MACF1: variants seen among roughly 807,000 people sequenced by gnomAD.
MACF1 encodes the protein microtubule actin crosslinking factor 1.
In MACF1, 193 loss-of-function variants were observed where a neutral mutation model predicts 854.8. That is an observed-to-expected ratio of 0.23 (90% CI 0.20 to 0.25). The LOEUF (loss-of-function observed/expected upper bound fraction) is 0.25. Among genes scored for constraint, MACF1 ranks in the 10% least tolerant of loss-of-function variants. The pLI is 1.00. For synonymous variants in MACF1, 3,185 were observed against 3,226.7 expected (o/e 0.99, Z 0.44); for missense variants, 7,722 against 8,929.1 (o/e 0.86, Z 5.45).
intron 6 of MACF1, among the ~76,000 whole-genome samples, chr1:39,275,925 C>CTTCT (rs537551056): frequency 0.057 from 8,388 of 146,476 alleles, 306 homozygotes; most frequent in East Asian, 0.16. Context: ...TCTTCTTCTT[C>CTTCT]TTTTTTTTTT....
At chr1:39,454,489 G>C (rs1328560138) in intron 88 of MACF1, among the ~76,000 whole-genome samples, 1 of 152,084 alleles carries the variant, frequency 6.6e-6, no homozygotes, top group African/African-American at 2.4e-5. Flanking sequence ...GACTGTTTGG[G>C]TGGTCTCTCC....
intron 2 of MACF1, among the ~76,000 whole-genome samples, chr1:39,116,337 G>A (rs1642543103): frequency 6.6e-6 from 1 of 152,038 alleles, no homozygotes; most frequent in Non-Finnish European, 1.5e-5. Context: ...AGTAGGAGGT[G>A]AAGTTATTTG....
intron 2 of MACF1, among the ~76,000 whole-genome samples, chr1:39,169,010 C>T (rs1435702853): frequency 1.3e-5 from 2 of 152,220 alleles, no homozygotes; most frequent in Non-Finnish European, 2.9e-5. Flanking sequence ...TCACATTCTT[C>T]CAGTCTCTGA....
At position 39,385,698 on chromosome 1, in the gene MACF1, C is replaced by G. The variant is rs780395924; in HGVS notation, c.14113C>G (p.Arg4705Gly). 1 of 1,614,136 alleles carries G rather than the reference C, an allele frequency of 6.2e-7. No individual in the cohort carries two copies. The highest frequency in any genetic ancestry group is 2.2e-5 in the East Asian group (1 of 44,880). ...LSEKVRAVGQ[R>G]LSVQSAISTQ... ...AGAGAAGGTGAGGGCAGTTGGACAA[C>G]GGCTGAGTGTCCAGTCAGCTATCAG... Residue 4705 changes from arginine to glycine, a missense_variant, in exon 57 of 101, where the codon CGG becomes GGG. Around this residue, in one of 15 missense-constraint regions of MACF1, gnomAD observed 2,807 missense variants for 3,235.8 expected, o/e 0.87. Transcript: ENST00000564288.
chr1:39,391,930 A>C (rs543725484), intron 58 of MACF1, among the ~76,000 whole-genome samples: 2 of 152,340 alleles, frequency 1.3e-5, no homozygotes, highest in South Asian at 4.1e-4. Flanking sequence ...GAGTGTGTTC[A>C]TCAACAGTGG....
intron 2 of MACF1, among the ~76,000 whole-genome samples, chr1:39,122,711 G>A (rs1232262035): frequency 6.6e-6 from 1 of 152,184 alleles, no homozygotes; most frequent in South Asian, 2.1e-4. Flanking sequence ...AGCTGAGAGT[G>A]GGGGTGGGGA....
intron 2 of MACF1, chr1:39,249,721 G>A (rs1040980182): frequency 1.7e-5 from 4 of 239,328 alleles, no homozygotes; most frequent in Non-Finnish European, 2.5e-5. Context: ...GATGTCTCAG[G>A]ATAATTAAGA....
chr1:39,335,451 G>T lies in MACF1; in HGVS notation c.8863G>T (p.Gly2955Cys). The change falls in exon 37 of 101, where the codon GGC (glycine) becomes TGC (cysteine). Residue 2955 changes from glycine to cysteine, a missense_variant. Gly to Cys is a radical substitution (Grantham distance 159). Transcript: ENST00000564288. ...ACAAGAAACATATTGTGAAACGTCAGGCAAATTGCCGAGTGAGCAGGTTTT... is the reference window on the plus strand; with the variant it reads ...ACAAGAAACATATTGTGAAACGTCATGCAAATTGCCGAGTGAGCAGGTTTT... ...EVQETYCETSGKLPSEQVLQQ... is the reference protein window; with the variant it reads ...EVQETYCETSCKLPSEQVLQQ... 1 of 1,614,192 alleles carries T rather than the reference G, an allele frequency of 6.2e-7. No homozygotes were observed. The highest frequency in any genetic ancestry group is 1.1e-5 in the South Asian group (1 of 91,078).
At position 39,270,163 on chromosome 1, in the gene MACF1, C is replaced by T. The variant is rs114381601; in HGVS notation, c.529-12045C>T. 5.2e-3 allele frequency among the ~76,000 whole-genome samples: 789 copies of T among 152,314 alleles called. 5 individuals are homozygous for T. The highest frequency in any genetic ancestry group is 0.018 in the African/African-American group (751 of 41,558). On this transcript the variant is annotated intron_variant, in intron 6 of 100. Transcript: ENST00000564288. The stretch of plus-strand genomic sequence containing the variant: ...GGCAGCTGTTGTCAGTGTACTTGCT[C>T]TTCCTCACAGGAGAGTGATATTCTT...
intron 2 of MACF1, among the ~76,000 whole-genome samples, chr1:39,124,025 C>T (rs1642797097): frequency 1.3e-5 from 2 of 151,188 alleles, no homozygotes; most frequent in Admixed American, 1.3e-4. Context: ...CAGGCGTGAG[C>T]TACTGCACCC....
At chr1:39,413,810 C>A in intron 58 of MACF1, 6 of 1,611,534 alleles carry the variant, frequency 3.7e-6, no homozygotes, top group Non-Finnish European at 5.1e-6. Context: ...CCAGCAGAAT[C>A]TGCCTCCTTT....
chr1:39,316,815 T>A (rs1362838753), intron 28 of MACF1, among the ~76,000 whole-genome samples: 2 of 152,262 alleles, frequency 1.3e-5, no homozygotes, highest in African/African-American at 4.8e-5. Flanking sequence ...GCCATAAGTT[T>A]ATAAATCACT....
At chr1:39,302,474 C>G (rs1031545649) in intron 22 of MACF1, among the ~76,000 whole-genome samples, 1 of 152,168 alleles carries the variant, frequency 6.6e-6, no homozygotes, top group Non-Finnish European at 1.5e-5. Flanking sequence ...GATCACTTGC[C>G]TCTAAGAGAA....
intron 6 of MACF1, among the ~76,000 whole-genome samples, chr1:39,276,699 A>G (rs1222475515): frequency 2.6e-5 from 4 of 152,186 alleles, no homozygotes; most frequent in Admixed American, 6.5e-5. Context: ...GGATATTACT[A>G]TAATTATTGG....
chr1:39,117,572 G>C (rs113512023), intron 2 of MACF1, among the ~76,000 whole-genome samples: 4 of 147,352 alleles, frequency 2.7e-5, no homozygotes, highest in East Asian at 2.1e-4. Context: ...GTGTGTACTT[G>C]GGTGTCCCTT....
rs749723709 is a variant in MACF1 at position 39,310,438 on chromosome 1, C to G, written c.3100+10C>G. The G allele has an allele frequency of 1.9e-6, 3 of 1,610,826 alleles. 1 individual carries two copies. The highest frequency in any genetic ancestry group is 2.2e-5 in the South Asian group (2 of 90,680). On this transcript the variant is annotated intron_variant, in intron 25 of 100. Transcript: ENST00000564288. ...AAGTCCATGGAGAATGGTGTGTGCA[C>G]TGGGAAGAGGGAAAGAGAATAGTAG...
At chr1:39,186,559 A>G (rs1250101301) in intron 2 of MACF1, among the ~76,000 whole-genome samples, 1 of 151,934 alleles carries the variant, frequency 6.6e-6, no homozygotes, top group African/African-American at 2.4e-5. Context: ...TCTTACTTTA[A>G]AAGGTTAAAA....
intron 1 of MACF1, among the ~76,000 whole-genome samples, chr1:39,228,961 A>G (rs1228925975): frequency 6.6e-6 from 1 of 152,228 alleles, no homozygotes. Flanking sequence ...GCCTAATAAT[A>G]ATACTTCTAA....
At chr1:39,303,385 T>C (rs1646090705) in intron 23 of MACF1, among the ~76,000 whole-genome samples, 1 of 152,172 alleles carries the variant, frequency 6.6e-6, no homozygotes, top group Non-Finnish European at 1.5e-5. Flanking sequence ...ACCTCATCTA[T>C]ACTAAAAATA....
Sources: allele counts gnomAD v4.1 joint callset (sites outside exome capture counted in the v4.1 genomes callset), GRCh38; gene constraint gnomAD v4.1.1; regional missense constraint gnomAD v4.1.1; transcripts MANE v1.5; gene names NCBI Gene and HGNC (gene_info 2026-07-23, HGNC 2026-07-21).